ALK: variants seen among roughly 807,000 people sequenced by gnomAD.
ALK encodes ALK receptor tyrosine kinase.
In ALK, 74 loss-of-function variants were observed where a neutral mutation model predicts 163.1. The observed-to-expected ratio is 0.45, with a 90% CI of 0.38 to 0.55. The LOEUF (loss-of-function observed/expected upper bound fraction) is 0.55, where lower values mean the gene tolerates loss of function less well. Among genes scored for constraint, ALK ranks in the 20% least tolerant of loss-of-function variants. The probability of loss-of-function intolerance (pLI) is 0.00; values close to 1 mark genes in which losing one functional copy is unlikely to be tolerated. For missense variants in ALK, 2,063 were observed against 2,105.3 expected (o/e 0.98, Z 0.39); for synonymous variants, 960 against 843.2 (o/e 1.14, Z -2.40).
intron 3 of ALK, among the ~76,000 whole-genome samples, chr2:29,629,132 C>T (rs1676285092): frequency 6.6e-6 from 1 of 152,168 alleles, no homozygotes; most frequent in South Asian, 2.1e-4. Flanking sequence ...CATATCTAGA[C>T]CTGAACACCG....
chr2:29,322,982 C>T (rs565967265), intron 6 of ALK, among the ~76,000 whole-genome samples: 46 of 152,286 alleles, frequency 3.0e-4, no homozygotes, highest in Middle Eastern at 3.4e-3. Flanking sequence ...TTTTAGGAGG[C>T]AGAGGGAGAG....
chr2:29,920,396 G>T lies in ALK; in HGVS notation c.264C>A (p.Arg88=), dbSNP rs1667962130. The T allele has an allele frequency of 1.9e-6, 3 of 1,572,762 alleles. No homozygotes were observed. In the East Asian group the frequency reaches 7.1e-5, roughly 37 times the overall value. ...GGGCGCAGTCCAGAGCTAGCGAGCC[G>T]CGGGCCTCGGGCCTGCCAGCCTTCA... ...SELKAGRPEA[R]GSLALDCAPL... is the part of the protein sequence containing the mutation. Residue 88 remains arginine, a synonymous_variant, in exon 1 of 29, where the codon CGC becomes CGA. Transcript: ENST00000389048.
chr2:29,435,965 G>A (rs1670385723), intron 4 of ALK, among the ~76,000 whole-genome samples: 1 of 152,030 alleles, frequency 6.6e-6, no homozygotes, highest in African/African-American at 2.4e-5. Context: ...AAGCACATCT[G>A]GAGAACTTTT....
In ALK at chr2:29,675,905, T is replaced by A. The variant is rs2148274586; in HGVS notation, c.952+18945A>T. On this transcript the variant is annotated intron_variant, in intron 3 of 28. Transcript: ENST00000389048. Reference sequence around the variant, plus strand: ...TAAATCTTATTTTTTAAAAATTTTGTTGTAGAGATGGCACCCCTCTATATT... The same window carrying A: ...TAAATCTTATTTTTTAAAAATTTTGATGTAGAGATGGCACCCCTCTATATT... 4.6e-5 allele frequency among the ~76,000 whole-genome samples: 7 copies of A among 152,148 alleles called. 2 individuals carry two copies. The highest frequency in any genetic ancestry group is 4.6e-4 in the Admixed American group (7 of 15,260).
intron 2 of ALK, among the ~76,000 whole-genome samples, chr2:29,706,795 G>T (rs1316720397): frequency 6.6e-6 from 1 of 152,156 alleles, no homozygotes; most frequent in Non-Finnish European, 1.5e-5. Context: ...TTAATTCTGA[G>T]GTTAACTAGC....
chr2:29,717,623 T>C lies in ALK; in HGVS notation c.742A>G (p.Ile248Val). Residue 248 changes from isoleucine (I) to valine (V), a missense_variant, in exon 2 of 29, where the codon ATA (isoleucine) becomes GTA (valine). By Grantham distance (29) the Ile-to-Val change is conservative (BLOSUM62 3). Transcript: ENST00000389048. ...AGGAAAGGGAAGGAGTCTTTCATTA[T>C]CCAGGTGAGATTCCATGTAAAATAA... is the stretch of plus-strand genomic sequence containing the variant. ...PDYFTWNLTW[I>V]MKDSFPFLSH... 1 of 1,614,056 alleles carries C rather than the reference T, an allele frequency of 6.2e-7. No individual in the cohort carries two copies. Among genetic ancestry groups the C allele is most frequent in the East Asian group, 2.2e-5 (1 of 44,880 alleles).
At chr2:29,512,666 G>A (rs1400191991) in intron 4 of ALK, among the ~76,000 whole-genome samples, 1 of 150,156 alleles carries the variant, frequency 6.7e-6, no homozygotes, top group Non-Finnish European at 1.5e-5. Context: ...GGCAGGTGAA[G>A]GAAATAAAGG....
At chr2:29,784,956 A>C (rs1489227564) in intron 1 of ALK, among the ~76,000 whole-genome samples, 1 of 133,940 alleles carries the variant, frequency 7.5e-6, no homozygotes, top group African/African-American at 2.8e-5. Flanking sequence ...TCCTTCCACC[A>C]GCAGTTTTGA....
At chr2:29,508,623 C>G (rs1672408857) in intron 4 of ALK, among the ~76,000 whole-genome samples, 1 of 149,348 alleles carries the variant, frequency 6.7e-6, no homozygotes, top group Admixed American at 6.8e-5. Flanking sequence ...GTGCAGCACA[C>G]CAACATGGCA....
intron 4 of ALK, among the ~76,000 whole-genome samples, chr2:29,444,586 A>G (rs565246777): frequency 1.2e-3 from 187 of 152,332 alleles, no homozygotes; most frequent in Middle Eastern, 3.4e-3. Flanking sequence ...TATACAAAAA[A>G]AATTAAAAAT....
chr2:29,203,778 C>T (rs1442875825), intron 26 of ALK, among the ~76,000 whole-genome samples: 1 of 151,880 alleles, frequency 6.6e-6, no homozygotes, highest in Admixed American at 6.6e-5. Flanking sequence ...GCCACTGCGC[C>T]CGGCCGAGGA....
chr2:29,327,816 T>C (rs1382179823), intron 6 of ALK, among the ~76,000 whole-genome samples: 2 of 152,038 alleles, frequency 1.3e-5, no homozygotes, highest in Non-Finnish European at 2.9e-5. Flanking sequence ...CAGTGGTACT[T>C]GTGGGGGATG....
intron 1 of ALK, among the ~76,000 whole-genome samples, chr2:29,741,641 G>A (rs965168437): frequency 1.1e-4 from 17 of 152,182 alleles, no homozygotes; most frequent in Admixed American, 2.6e-4. Flanking sequence ...CTCCCCTGGT[G>A]ACATCACCTA....
At chr2:29,521,534 C>A (rs1672811734) in intron 4 of ALK, among the ~76,000 whole-genome samples, 1 of 152,182 alleles carries the variant, frequency 6.6e-6, no homozygotes, top group Admixed American at 6.5e-5. Context: ...GGCTCTGAAC[C>A]ATAAGAGAAT....
intron 3 of ALK, among the ~76,000 whole-genome samples, chr2:29,644,753 G>A (rs1274709963): frequency 1.3e-5 from 2 of 151,856 alleles, no homozygotes; most frequent in Non-Finnish European, 1.5e-5. Flanking sequence ...ACCTTTACTA[G>A]AAACAAATTT....
At chr2:29,770,369 A>G (rs1035382519) in intron 1 of ALK, among the ~76,000 whole-genome samples, 2 of 152,250 alleles carry the variant, frequency 1.3e-5, no homozygotes, top group African/African-American at 4.8e-5. Context: ...AAAGTCGTCC[A>G]GTCACACCCT....
At chr2:29,783,553 CTG>C (rs1299790849) in intron 1 of ALK, among the ~76,000 whole-genome samples, 1 of 152,170 alleles carries the variant, frequency 6.6e-6, no homozygotes, top group Non-Finnish European at 1.5e-5. Context: ...TGCTGAGTGA[CTG>C]TAAATTTTTT....
At chr2:29,474,804 A>G (rs1194188001) in intron 4 of ALK, among the ~76,000 whole-genome samples, 2 of 147,190 alleles carry the variant, frequency 1.4e-5, no homozygotes, top group African/African-American at 5.0e-5. Context: ...CTAGTGCGAT[A>G]TAAGTGGGGG....
chr2:29,302,586 A>G (rs893495458), intron 8 of ALK, among the ~76,000 whole-genome samples: 3 of 152,220 alleles, frequency 2.0e-5, no homozygotes, highest in African/African-American at 7.2e-5. Flanking sequence ...ATAGCAGAAG[A>G]CACTCAACTA....
Sources: allele counts gnomAD v4.1 joint callset (sites outside exome capture counted in the v4.1 genomes callset), GRCh38; gene constraint gnomAD v4.1.1; transcripts MANE v1.5; gene names NCBI Gene and HGNC (gene_info 2026-07-23, HGNC 2026-07-21).